COL4A6: variants seen among roughly 807,000 people sequenced by gnomAD.
COL4A6 encodes collagen type IV alpha 6 chain, also known as collagen alpha-6(IV) chain.
COL4A6 carries 59 observed loss-of-function variants against 126.7 expected under a neutral mutation model. The ratio of observed to expected loss-of-function variants is 0.47; its 90% CI spans 0.38 to 0.58. COL4A6 has a LOEUF of 0.58. Ranked by LOEUF, COL4A6 falls within the 20% of genes least tolerant of loss-of-function variation. The pLI is 0.00. For synonymous variants in COL4A6, 547 were observed against 496.6 expected (o/e 1.10, Z -1.35); for missense variants, 1,285 against 1,337.3 (o/e 0.96, Z 0.61).
chrX:108,372,629 G>A (rs1166700298), intron 2 of COL4A6, among the ~76,000 whole-genome samples: 3 of 111,469 alleles, frequency 2.7e-5, no homozygotes, highest in Non-Finnish European at 5.7e-5. Flanking sequence ...AAACTGACAT[G>A]GAAGACCTCG....
At chrX:108,384,116 C>T in intron 2 of COL4A6, 1 of 275,784 alleles carries the variant, frequency 3.6e-6, no homozygotes, top group Non-Finnish European at 6.6e-6. Flanking sequence ...CCCATTTATC[C>T]ATTTCTCTAC....
chrX:108,335,342 T>A (rs2039405189), intron 2 of COL4A6, among the ~76,000 whole-genome samples: 1 of 112,164 alleles, frequency 8.9e-6, no homozygotes. Flanking sequence ...ATTCTTGGTT[T>A]ACAGATGAGG....
intron 3 of COL4A6, among the ~76,000 whole-genome samples, chrX:108,227,249 A>G (rs907973562): frequency 8.9e-6 from 1 of 112,132 alleles, no homozygotes; most frequent in African/African-American, 3.2e-5. Context: ...CTGAGTGGAG[A>G]AATGATTGAG....
intron 28 of COL4A6, 143 bp from the exon 29 acceptor site, chrX:108,175,940 A>G (rs968458722): frequency 2.1e-6 from 1 of 482,723 alleles, no homozygotes; most frequent in African/African-American, 2.5e-5. Context: ...CTCTAATTCC[A>G]AAGTCTTAGT....
intron 2 of COL4A6, among the ~76,000 whole-genome samples, chrX:108,403,233 GCTCTCTCTCTCTCTCTCTCTCTCTCTCT>G (rs59212608): frequency 1.6e-5 from 1 of 62,363 alleles, no homozygotes; most frequent in Non-Finnish European, 2.9e-5. Context: ...GCAAAGATTA[GCTCTCTCTCTCTCTCTCTCTCTCTCTCT>G]CTCTCTCTCT....
intron 2 of COL4A6, among the ~76,000 whole-genome samples, chrX:108,415,261 C>T (rs748874380): frequency 1.4e-4 from 16 of 111,890 alleles, no homozygotes; most frequent in Non-Finnish European, 3.0e-4. Context: ...TCCGAAAAAA[C>T]TTTCCTGTTT....
intron 6 of COL4A6, among the ~76,000 whole-genome samples, chrX:108,212,503 G>A (rs899620803): frequency 9.0e-6 from 1 of 111,558 alleles, no homozygotes; most frequent in African/African-American, 3.3e-5. Flanking sequence ...GATAATCAAC[G>A]TCCCTACACC....
At chrX:108,220,801 C>T (rs754775996) in intron 4 of COL4A6, among the ~76,000 whole-genome samples, 1 of 112,855 alleles carries the variant, frequency 8.9e-6, no homozygotes, top group South Asian at 3.7e-4. Flanking sequence ...GGCCATCACC[C>T]ATCCCATCTC....
chrX:108,171,667 C>A (rs1351963498), intron 32 of COL4A6, among the ~76,000 whole-genome samples: 2 of 112,196 alleles, frequency 1.8e-5, no homozygotes, highest in Non-Finnish European at 3.8e-5. Flanking sequence ...AATGCTGCTA[C>A]ATACAGCATA....
chrX:108,282,761 T>C (rs946794807), intron 3 of COL4A6, among the ~76,000 whole-genome samples: 1 of 108,297 alleles, frequency 9.2e-6, no homozygotes, highest in Non-Finnish European at 1.9e-5. Context: ...TGTCCAACAA[T>C]GATAGACTGG....
intron 3 of COL4A6, among the ~76,000 whole-genome samples, chrX:108,262,542 T>A (rs911570763): frequency 1.8e-5 from 2 of 111,803 alleles, no homozygotes; most frequent in African/African-American, 6.5e-5. Flanking sequence ...TGTAATTTTT[T>A]AAAAATGCAT....
intron 3 of COL4A6, among the ~76,000 whole-genome samples, chrX:108,277,430 C>T (rs770393756): frequency 3.6e-5 from 4 of 112,416 alleles, no homozygotes; most frequent in Non-Finnish European, 7.5e-5. Context: ...GGCAGCGAGG[C>T]TGGGGGATGG....
chrX:108,230,579 T>G, intron 3 of COL4A6, among the ~76,000 whole-genome samples: 1 of 112,036 alleles, frequency 8.9e-6, no homozygotes, highest in Non-Finnish European at 1.9e-5. Context: ...GCCAGGGATC[T>G]TTCTCCTAGC....
intron 3 of COL4A6, among the ~76,000 whole-genome samples, chrX:108,283,961 G>T (rs925994279): frequency 2.7e-5 from 3 of 111,140 alleles, no homozygotes; most frequent in African/African-American, 9.8e-5. Flanking sequence ...TCTGAAGAAG[G>T]GTCACACTTG....
chrX:108,329,969 G>A (rs750012603), intron 2 of COL4A6, among the ~76,000 whole-genome samples: 2 of 110,959 alleles, frequency 1.8e-5, no homozygotes, highest in East Asian at 2.8e-4. Context: ...GTGCATGTGC[G>A]TGTGTAGAAA....
Position 108,362,410 on chromosome X carries a change from T to C in COL4A6, c.64-51582A>G, listed in dbSNP as rs141506601. On this transcript the variant is annotated intron_variant, in intron 2 of 44. Transcript: ENST00000334504. ...ATATATAAACTGGATCACAGGCATGTTGATGTGTACTCATAGGGATAAACT... is the reference window on the plus strand; with the variant it reads ...ATATATAAACTGGATCACAGGCATGCTGATGTGTACTCATAGGGATAAACT... 5.1e-4 allele frequency among the ~76,000 whole-genome samples: 57 copies of C among 112,056 alleles called. No homozygotes were observed. In the East Asian group the frequency reaches 0.015, roughly 29 times the overall value.
intron 15 of COL4A6, 77 bp from the exon 16 acceptor site, chrX:108,194,664 G>A (rs1258120665): frequency 7.3e-6 from 7 of 964,579 alleles, no homozygotes; most frequent in Non-Finnish European, 1.0e-5. Flanking sequence ...TTAAGCCAGG[G>A]CAAATGGCAC....
chrX:108,296,854 A>G (rs2038340928), intron 3 of COL4A6, among the ~76,000 whole-genome samples: 1 of 112,191 alleles, frequency 8.9e-6, no homozygotes, highest in Non-Finnish European at 1.9e-5. Context: ...TTTGTCCACC[A>G]AGGTAGGAAA....
intron 5 of COL4A6, 124 bp downstream of exon 5, chrX:108,219,574 C>G (rs1423857404): frequency 1.6e-6 from 1 of 630,224 alleles, no homozygotes; most frequent in Non-Finnish European, 2.6e-6. Flanking sequence ...CCTCACCATA[C>G]ATATCTCAAC....
Sources: gnomAD v4.1 joint callset for allele counts (sites outside exome capture counted in the v4.1 genomes callset) on GRCh38, gnomAD v4.1.1 for gene constraint, MANE v1.5 for transcripts, NCBI Gene and HGNC (gene_info 2026-07-23, HGNC 2026-07-21) for gene names.